The following PARD3 variants were observed in gnomAD, a reference collection of about 807,000 sequenced individuals.
The protein encoded by PARD3 is partitioning defective 3 homolog.
In PARD3, 75 loss-of-function variants were observed where a neutral mutation model predicts 155.4. The observed-to-expected ratio is 0.48, with a 90% CI of 0.40 to 0.58. The LOEUF (loss-of-function observed/expected upper bound fraction) is 0.58, where lower values mean the gene tolerates loss of function less well. Among genes scored for constraint, PARD3 ranks in the 20% least tolerant of loss-of-function variants. The pLI is 0.00. For missense variants in PARD3, 1,642 were observed against 1,721.7 expected (o/e 0.95, Z 0.82); for synonymous variants, 576 against 610.5 (o/e 0.94, Z 0.83).
chr10:34,512,287 T>A (rs1057059927), intron 3 of PARD3, among the ~76,000 whole-genome samples: 2 of 152,228 alleles, frequency 1.3e-5, no homozygotes, highest in Non-Finnish European at 1.5e-5. Context: ...GGTTTCCAAA[T>A]AATAAGATGG....
intron 9 of PARD3, among the ~76,000 whole-genome samples, chr10:34,382,131 T>A (rs952045191): frequency 1.3e-5 from 2 of 151,820 alleles, no homozygotes; most frequent in African/African-American, 4.8e-5. Flanking sequence ...ACCTCTAAAG[T>A]CCTCCTTGAG....
intron 3 of PARD3, among the ~76,000 whole-genome samples, chr10:34,471,161 T>C (rs1171135450): frequency 1.3e-5 from 2 of 152,240 alleles, no homozygotes; most frequent in Admixed American, 6.5e-5. Context: ...CAAAGTAATA[T>C]GTTAATCTGC....
At chr10:34,491,009 C>G (rs1162227454) in intron 3 of PARD3, among the ~76,000 whole-genome samples, 1 of 152,194 alleles carries the variant, frequency 6.6e-6, no homozygotes, top group Non-Finnish European at 1.5e-5. Context: ...GACAGCATTG[C>G]ATATCAGCCC....
chr10:34,519,539 C>A (rs953390416), intron 2 of PARD3, among the ~76,000 whole-genome samples: 1 of 152,042 alleles, frequency 6.6e-6, no homozygotes, highest in Non-Finnish European at 1.5e-5. Flanking sequence ...GTAGGCCAGG[C>A]GCGGTGGCTC....
At chr10:34,456,036 GA>G (rs1281476281) in intron 4 of PARD3, among the ~76,000 whole-genome samples, 2 of 152,136 alleles carry the variant, frequency 1.3e-5, no homozygotes, top group African/African-American at 4.8e-5. Context: ...GAGAGGTATG[GA>G]AAAGACAAAT....
rs1564563541 is a variant in PARD3 at position 34,736,644 on chromosome 10, TAA to T, written c.121-40227_121-40226del. On this transcript the variant is annotated intron_variant, in intron 1 of 24. Transcript: ENST00000374788. ...AAATGTTGGAAATAGGTTACTTTATTAATTAATTAATTTATTTATTTATTTAT... is the reference window on the plus strand; with the variant it reads ...AAATGTTGGAAATAGGTTACTTTATTTTAATTAATTTATTTATTTATTTAT... Among the ~76,000 whole-genome samples the T allele has an allele frequency of 7.4e-3, 844 of 113,934 alleles. 3 individuals carry two copies. The highest frequency in any genetic ancestry group is 0.021 in the African/African-American group (651 of 31,226). 74.7% of individuals were successfully genotyped at this position (113,934 alleles called of 152,430 possible).
intron 1 of PARD3, among the ~76,000 whole-genome samples, chr10:34,750,881 GTT>G (rs1158319143): frequency 6.6e-6 from 1 of 152,046 alleles, no homozygotes. Flanking sequence ...TAGAGACGGG[GTT>G]TTGCCATGTT....
chr10:34,300,559 G>C (rs1300939189), intron 20 of PARD3, among the ~76,000 whole-genome samples: 1 of 151,958 alleles, frequency 6.6e-6, no homozygotes, highest in Non-Finnish European at 1.5e-5. Context: ...TGAGGCAGGA[G>C]GCTGCAGTGA....
At chr10:34,510,432 T>C (rs2081337652) in intron 3 of PARD3, among the ~76,000 whole-genome samples, 1 of 152,212 alleles carries the variant, frequency 6.6e-6, no homozygotes, top group Non-Finnish European at 1.5e-5. Context: ...ATTTCCACAT[T>C]AAAAAGCAAA....
At chr10:34,535,815 T>TAAA (rs34906640) in intron 2 of PARD3, among the ~76,000 whole-genome samples, 6 of 147,624 alleles carry the variant, frequency 4.1e-5, no homozygotes, top group African/African-American at 1.2e-4. Flanking sequence ...CAATTATCTT[T>TAAA]AAAAAAAAAA....
At chr10:34,733,629 G>A (rs573188883) in intron 1 of PARD3, among the ~76,000 whole-genome samples, 59 of 152,232 alleles carry the variant, frequency 3.9e-4, no homozygotes, top group African/African-American at 1.1e-3. Context: ...GATTACAGGC[G>A]TGTGCCACCA....
intron 2 of PARD3, among the ~76,000 whole-genome samples, 181 bp from the exon 3 acceptor site, chr10:34,517,340 T>G (rs1460086866): frequency 6.6e-6 from 1 of 152,238 alleles, no homozygotes; most frequent in African/African-American, 2.4e-5. Flanking sequence ...GATGCTTTAC[T>G]TGTATAATTC....
intron 2 of PARD3, among the ~76,000 whole-genome samples, chr10:34,587,916 G>A (rs1197988486): frequency 6.6e-6 from 1 of 152,160 alleles, no homozygotes; most frequent in Non-Finnish European, 1.5e-5. Context: ...TACTCACACA[G>A]GGGCCACAAT....
rs60113552 is a variant in PARD3 at position 34,651,011 on chromosome 10, C to CA, written c.222+45306dup. ...GGGCAACAAGAACGAAACTCTGTCT[C>CA]AAAAAAAAAAAAAAAAAAAAAAAAA... On this transcript the variant is annotated intron_variant, in intron 2 of 24. Transcript: ENST00000374788. Among the ~76,000 whole-genome samples the CA allele has an allele frequency of 2.8e-3, 126 of 44,542 alleles. 24 individuals carry two copies. Among genetic ancestry groups the CA allele is most frequent in the East Asian group, 4.3e-3 (4 of 940 alleles). 29.2% of individuals were successfully genotyped at this position (44,542 alleles called of 152,430 possible).
At chr10:34,314,476 G>C (rs147867906) in intron 20 of PARD3, among the ~76,000 whole-genome samples, 5 of 152,200 alleles carry the variant, frequency 3.3e-5, no homozygotes, top group Non-Finnish European at 5.9e-5. Context: ...AAGGGCTGGC[G>C]CAGTGGTTTG....
At chr10:34,727,878 C>CCACA (rs61342514) in intron 1 of PARD3, among the ~76,000 whole-genome samples, 1,524 of 144,566 alleles carry the variant, frequency 0.011, 22 homozygotes, top group African/African-American at 0.027. Flanking sequence ...CCTCCCTCCG[C>CCACA]CACACACACA....
intron 2 of PARD3, among the ~76,000 whole-genome samples, chr10:34,582,979 C>A (rs10827383): frequency 0.35 from 53,526 of 152,044 alleles, 9,706 homozygotes; most frequent in South Asian, 0.43. Context: ...TTCGGGGAGA[C>A]AAGTGTCTGG....
chr10:34,336,137 T>C, intron 18 of PARD3, 62 bp downstream of exon 18: 1 of 1,215,024 alleles, frequency 8.2e-7, no homozygotes, highest in Non-Finnish European at 1.2e-6. Flanking sequence ...GGCAGCTCTA[T>C]AATTGTGATA....
rs1001167150 is a variant in PARD3 at position 34,281,261 on chromosome 10, G to A, written c.3176+2874C>T. 2.0e-5 allele frequency among the ~76,000 whole-genome samples: 3 copies of A among 152,180 alleles called. No homozygotes were observed. The East Asian group carries it at 5.8e-4, about 29-fold the overall frequency. ...CTGAAACACAAGTCAGAGGCACGAA[G>A]CACTGAATTCACATTTTTGCTTAGT... is the stretch of plus-strand genomic sequence containing the variant. On this transcript the variant is annotated intron_variant, in intron 21 of 24. Transcript: ENST00000374788.
Sources: gnomAD v4.1 joint callset for allele counts (sites outside exome capture counted in the v4.1 genomes callset) on GRCh38, gnomAD v4.1.1 for gene constraint, MANE v1.5 for transcripts, NCBI Gene and HGNC (gene_info 2026-07-23, HGNC 2026-07-21) for gene names.